NSMCE2: variants seen among roughly 807,000 people sequenced by gnomAD.
NSMCE2 encodes NSE2 SUMO ligase component of SMC5/6 complex, also known as E3 SUMO-protein ligase NSE2.
A neutral mutation model predicts 23.8 loss-of-function variants in NSMCE2; 24 were observed. The ratio of observed to expected loss-of-function variants is 1.01; its 90% confidence interval spans 0.73 to 1.42. NSMCE2 has a LOEUF of 1.42. Among genes scored for constraint, NSMCE2 ranks in the 40% most tolerant of loss-of-function variants. The pLI is 0.00. For synonymous variants in NSMCE2, 92 were observed against 94.1 expected (o/e 0.98, Z 0.13); for missense variants, 284 against 296.5 (o/e 0.96, Z 0.31).
chr8:125,200,069 C>G (rs1823796934), intron 5 of NSMCE2, among the ~76,000 whole-genome samples: 1 of 152,176 alleles, frequency 6.6e-6, no homozygotes, highest in African/African-American at 2.4e-5. Context: ...ATGTGTGTCT[C>G]TGCACATGAG....
chr8:125,269,551 T>G (rs1827089943), intron 5 of NSMCE2, among the ~76,000 whole-genome samples: 2 of 152,210 alleles, frequency 1.3e-5, no homozygotes, highest in Admixed American at 1.3e-4. Context: ...CATCATGGCT[T>G]GGATGAAGAG....
At chr8:125,249,425 G>T (rs947717499) in intron 5 of NSMCE2, among the ~76,000 whole-genome samples, 1 of 152,124 alleles carries the variant, frequency 6.6e-6, no homozygotes, top group Non-Finnish European at 1.5e-5. Context: ...TGCAGTCTTT[G>T]TCAGAAAGAT....
chr8:125,196,254 C>T (rs1316366300), intron 5 of NSMCE2, among the ~76,000 whole-genome samples: 1 of 148,298 alleles, frequency 6.7e-6, no homozygotes, highest in African/African-American at 2.5e-5. Flanking sequence ...GCACAACGTG[C>T]AGGTTTGTTA....
chr8:125,122,876 A>G (rs1432884484), intron 3 of NSMCE2, among the ~76,000 whole-genome samples: 2 of 152,186 alleles, frequency 1.3e-5, no homozygotes, highest in African/African-American at 4.8e-5. Flanking sequence ...TTCGTGTTCC[A>G]GTCTGTGTTG....
At chr8:125,114,630 C>T (rs1386980515) in intron 3 of NSMCE2, among the ~76,000 whole-genome samples, 1 of 152,138 alleles carries the variant, frequency 6.6e-6, no homozygotes, top group African/African-American at 2.4e-5. Context: ...AGCATGTGTG[C>T]CCTGGCCTCT....
intron 5 of NSMCE2, among the ~76,000 whole-genome samples, chr8:125,206,258 G>A (rs188599275): frequency 9.2e-5 from 14 of 152,316 alleles, no homozygotes; most frequent in Admixed American, 2.6e-4. Flanking sequence ...ATATGTATAT[G>A]GGAGAAAAGA....
intron 5 of NSMCE2, among the ~76,000 whole-genome samples, chr8:125,217,893 A>C (rs1465332728): frequency 2.0e-5 from 3 of 151,762 alleles, no homozygotes; most frequent in South Asian, 4.2e-4. Flanking sequence ...AAAAAAAAAA[A>C]CCAAAACAAA....
At chr8:125,344,455 G>T (rs1830362178) in intron 5 of NSMCE2, among the ~76,000 whole-genome samples, 1 of 152,068 alleles carries the variant, frequency 6.6e-6, no homozygotes, top group Non-Finnish European at 1.5e-5. Context: ...TGTTTAAGAT[G>T]AATCATGGCC....
At chr8:125,252,347 T>G (rs1826230265) in intron 5 of NSMCE2, among the ~76,000 whole-genome samples, 1 of 151,952 alleles carries the variant, frequency 6.6e-6, no homozygotes, top group Non-Finnish European at 1.5e-5. Context: ...GCTAACACGG[T>G]GAAACCCTGT....
intron 5 of NSMCE2, among the ~76,000 whole-genome samples, chr8:125,298,119 G>T (rs1828401829): frequency 6.6e-6 from 1 of 152,088 alleles, no homozygotes; most frequent in African/African-American, 2.4e-5. Context: ...AATTTGCCTG[G>T]TGTGGTGGTA....
intron 5 of NSMCE2, among the ~76,000 whole-genome samples, chr8:125,264,196 T>C (rs1405057143): frequency 2.0e-5 from 3 of 152,232 alleles, no homozygotes; most frequent in Non-Finnish European, 4.4e-5. Flanking sequence ...TAGCCCAAAG[T>C]GGACTGTCAT....
intron 5 of NSMCE2, among the ~76,000 whole-genome samples, chr8:125,339,672 A>C (rs910881499): frequency 5.9e-5 from 9 of 151,856 alleles, no homozygotes; most frequent in African/African-American, 2.2e-4. Context: ...TTTCTCTCAC[A>C]TTTTTGCCTT....
intron 1 of NSMCE2, among the ~76,000 whole-genome samples, chr8:125,100,565 T>A (rs1470745888): frequency 6.6e-6 from 1 of 152,046 alleles, no homozygotes; most frequent in African/African-American, 2.4e-5. Context: ...GAATTTTTTT[T>A]ATTTTTATTT....
chr8:125,133,781 AC>A (rs1819902144), intron 3 of NSMCE2, among the ~76,000 whole-genome samples: 1 of 152,064 alleles, frequency 6.6e-6, no homozygotes, highest in South Asian at 2.1e-4. Flanking sequence ...AAAAACCAAA[AC>A]AAAAAAAAAG....
At chr8:125,178,814 G>A (rs1822631868) in intron 4 of NSMCE2, among the ~76,000 whole-genome samples, 1 of 152,124 alleles carries the variant, frequency 6.6e-6, no homozygotes, top group African/African-American at 2.4e-5. Context: ...AGCTTGCAGT[G>A]AGCCGAGATC....
intron 5 of NSMCE2, among the ~76,000 whole-genome samples, chr8:125,208,327 T>C (rs1262089079): frequency 6.6e-6 from 1 of 152,236 alleles, no homozygotes; most frequent in Non-Finnish European, 1.5e-5. Context: ...TATACAGTAT[T>C]TGTTAAGTAT....
At chr8:125,173,966 C>T (rs1042788227) in intron 4 of NSMCE2, among the ~76,000 whole-genome samples, 1 of 152,154 alleles carries the variant, frequency 6.6e-6, no homozygotes, top group African/African-American at 2.4e-5. Flanking sequence ...CTTTGAACCA[C>T]TCAGACGAAA....
rs539307176 is a variant in NSMCE2, at chr8:125,164,472, C to T, written c.264+13195C>T. 1.8e-4 allele frequency among the ~76,000 whole-genome samples: 28 copies of T among 152,220 alleles called. No individual in the cohort carries two copies. The South Asian group carries it at 5.6e-3, about 30-fold the overall frequency. On this transcript the variant is annotated intron_variant, in intron 4 of 7. Coordinates refer to ENST00000287437, the MANE Select transcript of NSMCE2 (RefSeq NM_173685.4). ...TATAAAGTATATTTATGATTTTGTA[C>T]ATCTCTTATTGTAAATTTTCCAAAG...
intron 5 of NSMCE2, among the ~76,000 whole-genome samples, chr8:125,354,461 A>G (rs1018757626): frequency 2.0e-5 from 3 of 152,202 alleles, no homozygotes; most frequent in Admixed American, 6.5e-5. Flanking sequence ...TCACATTTGC[A>G]TAGACCTTTA....
Sources: allele counts gnomAD v4.1 joint callset (sites outside exome capture counted in the v4.1 genomes callset), GRCh38; gene constraint gnomAD v4.1.1; transcripts MANE v1.5; gene names NCBI Gene and HGNC (gene_info 2026-07-23, HGNC 2026-07-21).